Variants in OPCML observed in about 807,000 individuals in gnomAD.
OPCML encodes opioid-binding protein/cell adhesion molecule.
OPCML carries 13 observed loss-of-function variants against 37.8 expected under a neutral mutation model. The ratio of observed to expected loss-of-function variants is 0.34; its 90% CI spans 0.22 to 0.55. OPCML has a LOEUF of 0.55. Ranked by LOEUF, OPCML falls within the 20% of genes least tolerant of loss-of-function variation. The pLI is 0.91. For synonymous variants in OPCML, 176 were observed against 168.8 expected, an observed-to-expected ratio of 1.04 and a Z score of -0.33; for missense variants, 341 against 435.6, an observed-to-expected ratio of 0.78 and a Z score of 1.93.
intron 2 of OPCML, among the ~76,000 whole-genome samples, chr11:132,776,863 C>T (rs774018297): frequency 6.6e-6 from 1 of 152,122 alleles, no homozygotes; most frequent in Non-Finnish European, 1.5e-5. Flanking sequence ...CAGGTCAGTG[C>T]GAGCAGTTGT....
At position 132,701,070 on chromosome 11, in the gene OPCML, G is replaced by A. The variant is rs554623711; in HGVS notation, c.147-43751C>T. Among the ~76,000 whole-genome samples, 3 of 152,202 alleles carry A rather than the reference G, an allele frequency of 2.0e-5. No individual in the cohort carries two copies. The South Asian group carries it at 6.2e-4, about 32-fold the overall frequency. ...TTTTGTATTAGTCTGTTCTCACACT[G>A]CTAATAAAGACATACCCAAGACTGG... On this transcript the variant is annotated intron_variant, in intron 2 of 7. Coordinates refer to ENST00000524381, the MANE Select transcript of OPCML (RefSeq NM_001012393.5).
chr11:133,500,168 C>A (rs968717648), intron 1 of OPCML, among the ~76,000 whole-genome samples: 2 of 152,136 alleles, frequency 1.3e-5, no homozygotes, highest in African/African-American at 4.8e-5. Flanking sequence ...CCGCACCTGG[C>A]TAACTTTTTT....
intron 1 of OPCML, among the ~76,000 whole-genome samples, chr11:133,402,504 G>A (rs544755523): frequency 6.6e-6 from 1 of 152,250 alleles, no homozygotes; most frequent in African/African-American, 2.4e-5. Context: ...GTACCATATA[G>A]ATGATCAGGA....
chr11:132,586,338 T>G (rs2096472635), intron 3 of OPCML, among the ~76,000 whole-genome samples: 1 of 152,208 alleles, frequency 6.6e-6, no homozygotes, highest in African/African-American at 2.4e-5. Flanking sequence ...TCTGAAATTT[T>G]TCTTTCTCCT....
In OPCML at chr11:133,468,848, T is replaced by C. The variant is rs539448739; in HGVS notation, c.61+63416A>G. On this transcript the variant is annotated intron_variant, in intron 1 of 7. Transcript: ENST00000524381. ...AAGAGGATAGGTAAGCAGTATAATA[T>C]GTTCAGCAGCTCTGCCCTGCAGGTG... 3.3e-5 allele frequency among the ~76,000 whole-genome samples: 5 copies of C among 152,312 alleles called. No homozygotes were observed. In the South Asian group the frequency reaches 1.0e-3, roughly 32 times the overall value.
intron 3 of OPCML, among the ~76,000 whole-genome samples, chr11:132,545,387 C>T (rs1384562733): frequency 1.3e-5 from 2 of 152,088 alleles, no homozygotes; most frequent in East Asian, 1.9e-4. Flanking sequence ...TTTTGCATAG[C>T]GAAATATTTT....
intron 2 of OPCML, among the ~76,000 whole-genome samples, chr11:132,684,287 A>T (rs933393905): frequency 1.3e-5 from 2 of 152,170 alleles, no homozygotes; most frequent in Non-Finnish European, 2.9e-5. Flanking sequence ...TTCTCTCAAC[A>T]TCTTTGAGAT....
chr11:132,438,866 C>A (rs1177916174), intron 4 of OPCML, among the ~76,000 whole-genome samples: 1 of 152,016 alleles, frequency 6.6e-6, no homozygotes, highest in Non-Finnish European at 1.5e-5. Flanking sequence ...GGGCTTCCAC[C>A]ACCCACCTAC....
At chr11:133,434,201 C>G (rs1946184715) in intron 1 of OPCML, among the ~76,000 whole-genome samples, 1 of 152,094 alleles carries the variant, frequency 6.6e-6, no homozygotes, top group Admixed American at 6.5e-5. Flanking sequence ...TGAAAGCTCC[C>G]TGCCTCCTCA....
chr11:132,477,291 A>G (rs954537757), intron 4 of OPCML, among the ~76,000 whole-genome samples: 8 of 152,348 alleles, frequency 5.3e-5, no homozygotes, highest in African/African-American at 1.2e-4. Context: ...CCTGTGCTGC[A>G]CCAGGTAGTT....
chr11:133,131,074 A>C (rs1174120122), intron 1 of OPCML, among the ~76,000 whole-genome samples: 1 of 152,088 alleles, frequency 6.6e-6, no homozygotes, highest in Non-Finnish European at 1.5e-5. Flanking sequence ...GTGTCCTTAC[A>C]CAAGGGACCC....
rs533503907 is a variant in OPCML at position 133,072,308 on chromosome 11, C to T, written c.62-129298G>A. Among the ~76,000 whole-genome samples, 18 of 152,296 alleles carry T rather than the reference C, an allele frequency of 1.2e-4. No homozygotes were observed. The South Asian group carries it at 3.5e-3, about 30-fold the overall frequency. On this transcript the variant is annotated intron_variant, in intron 1 of 7. Transcript: ENST00000524381. Reference sequence around the variant, plus strand: ...CAATTTAAAAATAAACCTACTGTGACAATCACTCAAAATGCTATTAAAGAA... The same window carrying T: ...CAATTTAAAAATAAACCTACTGTGATAATCACTCAAAATGCTATTAAAGAA...
chr11:132,596,385 A>C (rs1426362119), intron 3 of OPCML, among the ~76,000 whole-genome samples: 1 of 151,960 alleles, frequency 6.6e-6, no homozygotes, highest in African/African-American at 2.4e-5. Flanking sequence ...AAAAACTGTC[A>C]GTTGGAGTTC....
At chr11:133,399,058 C>T (rs993528854) in intron 1 of OPCML, among the ~76,000 whole-genome samples, 1 of 152,178 alleles carries the variant, frequency 6.6e-6, no homozygotes, top group African/African-American at 2.4e-5. Context: ...TCTTGGTATT[C>T]ATCACATAAT....
At chr11:132,743,168 G>A (rs1347353910) in intron 2 of OPCML, among the ~76,000 whole-genome samples, 2 of 152,146 alleles carry the variant, frequency 1.3e-5, no homozygotes, top group African/African-American at 4.8e-5. Flanking sequence ...TCAGGAACTG[G>A]TGAGCAGAGC....
chr11:132,484,521 G>A (rs959504198), intron 4 of OPCML, among the ~76,000 whole-genome samples: 11 of 152,130 alleles, frequency 7.2e-5, no homozygotes, highest in Admixed American at 2.6e-4. Context: ...AATTCCTCAG[G>A]GATCTAGAAC....
At chr11:132,666,465 G>A (rs1942225736) in intron 2 of OPCML, among the ~76,000 whole-genome samples, 1 of 152,116 alleles carries the variant, frequency 6.6e-6, no homozygotes, top group South Asian at 2.1e-4. Context: ...CCCCAACCAA[G>A]CCCCACTCCA....
rs749326405 is a variant in OPCML, at chr11:133,459,013, AG to A, written c.61+73250del. ...TACTAGGTAAAAGCCAAAAGCAAAA[AG>A]AATTATAAGTCTATGTTAATGGGAA... On this transcript the variant is annotated intron_variant, in intron 1 of 7. Transcript: ENST00000524381. Among the ~76,000 whole-genome samples, 19 of 152,210 alleles carry A rather than the reference AG, an allele frequency of 1.2e-4. 1 individual carries two copies. In the East Asian group the frequency reaches 1.7e-3, roughly 14 times the overall value.
intron 3 of OPCML, among the ~76,000 whole-genome samples, chr11:132,654,366 C>T (rs1565749060): frequency 6.6e-6 from 1 of 151,616 alleles, no homozygotes; most frequent in Non-Finnish European, 1.5e-5. Flanking sequence ...CCCAAGAGAA[C>T]GTCATCATCA....
Sources: gnomAD v4.1 joint callset for allele counts (sites outside exome capture counted in the v4.1 genomes callset) on GRCh38, gnomAD v4.1.1 for gene constraint, MANE v1.5 for transcripts, NCBI Gene and HGNC (gene_info 2026-07-23, HGNC 2026-07-21) for gene names.